The following ENTREP2 variants were observed in gnomAD, a reference collection of about 807,000 sequenced individuals.
ENTREP2 encodes the protein endosomal transmembrane epsin interactor 2.
the ENTREP2 span, among the ~76,000 whole-genome samples, chr15:29,615,149 A>AT: frequency 0.014 from 1,996 of 146,516 alleles, 48 homozygotes; most frequent in African/African-American, 0.048. Flanking sequence ...TCTCTCACAA[A>AT]TTTTTTTTTC....
At chr15:29,172,831 C>T in the ENTREP2 span, among the ~76,000 whole-genome samples, 1 of 152,150 alleles carries the variant, frequency 6.6e-6, no homozygotes, top group Non-Finnish European at 1.5e-5. Context: ...GAACCTCCCC[C>T]TCTCACCTGG....
chr15:29,451,119 T>G, the ENTREP2 span, among the ~76,000 whole-genome samples: 1 of 151,642 alleles, frequency 6.6e-6, no homozygotes, highest in Non-Finnish European at 1.5e-5. Context: ...AAAAAAGAAG[T>G]GTTAACAGCT....
At chr15:29,545,012 T>C in the ENTREP2 span, among the ~76,000 whole-genome samples, 1 of 152,320 alleles carries the variant, frequency 6.6e-6, no homozygotes, top group South Asian at 2.1e-4. Flanking sequence ...GATATACAAC[T>C]GAGACTGCAC....
chr15:29,622,854 G>A, the ENTREP2 span, among the ~76,000 whole-genome samples: 26 of 152,286 alleles, frequency 1.7e-4, no homozygotes, highest in Admixed American at 5.2e-4. Flanking sequence ...GGAGATGAAC[G>A]AGTCCTTCCA....
chr15:29,335,692 G>A, the ENTREP2 span, among the ~76,000 whole-genome samples: 20 of 152,050 alleles, frequency 1.3e-4, no homozygotes. Context: ...CAGCCACCTT[G>A]GGGTCAGCCA....
the ENTREP2 span, among the ~76,000 whole-genome samples, chr15:29,344,237 C>T: frequency 4.6e-5 from 7 of 152,210 alleles, no homozygotes; most frequent in African/African-American, 1.4e-4. Flanking sequence ...AAACGCTTCA[C>T]GCTGCGTGCA....
the ENTREP2 span, among the ~76,000 whole-genome samples, chr15:29,662,509 G>A: frequency 6.6e-6 from 1 of 152,034 alleles, no homozygotes; most frequent in Non-Finnish European, 1.5e-5. Flanking sequence ...TATGGTCTTT[G>A]TGTCATTCTT....
At chr15:29,490,424 T>G in the ENTREP2 span, among the ~76,000 whole-genome samples, 2 of 152,208 alleles carry the variant, frequency 1.3e-5, no homozygotes, top group African/African-American at 4.8e-5. Context: ...GGCTGCTGGC[T>G]CCGGCAGCCT....
chr15:29,330,615 G>A, the ENTREP2 span, among the ~76,000 whole-genome samples: 9 of 152,156 alleles, frequency 5.9e-5, no homozygotes, highest in Non-Finnish European at 1.0e-4. Context: ...GAAAGTCTAT[G>A]AAAAAGCCAC....
the ENTREP2 span, among the ~76,000 whole-genome samples, chr15:29,138,677 GTGTGTA>G: frequency 1.4e-5 from 2 of 142,332 alleles, no homozygotes; most frequent in Admixed American, 7.1e-5. Context: ...GTGTGTCTCT[GTGTGTA>G]TGTGTATGTG....
chr15:29,467,731 A>T, the ENTREP2 span, among the ~76,000 whole-genome samples: 3 of 152,186 alleles, frequency 2.0e-5, no homozygotes, highest in Non-Finnish European at 4.4e-5. Context: ...TAGCCCAATT[A>T]AGACCATCTA....
At chr15:29,494,350 G>A in the ENTREP2 span, among the ~76,000 whole-genome samples, 10,289 of 152,070 alleles carry the variant, frequency 0.068, 469 homozygotes, top group South Asian at 0.12. Context: ...GCCAAAATAC[G>A]TTAAAATGTA....
At chr15:29,378,941 C>T in the ENTREP2 span, among the ~76,000 whole-genome samples, 9 of 152,128 alleles carry the variant, frequency 5.9e-5, no homozygotes, top group Non-Finnish European at 1.3e-4. Context: ...AAGCCAAAGC[C>T]GAGGCTATCT....
At chr15:29,128,070 C>T in the ENTREP2 span, among the ~76,000 whole-genome samples, 6 of 152,232 alleles carry the variant, frequency 3.9e-5, no homozygotes, top group South Asian at 2.1e-4. Context: ...CAGCAGGGGA[C>T]AGAGCGCCCT....
chr15:29,311,879 C>T, the ENTREP2 span, among the ~76,000 whole-genome samples: 1 of 152,106 alleles, frequency 6.6e-6, no homozygotes, highest in Non-Finnish European at 1.5e-5. Context: ...ACAGTTCATT[C>T]CAGAAATGCA....
At chr15:29,657,576 A>T in the ENTREP2 span, among the ~76,000 whole-genome samples, 15 of 145,354 alleles carry the variant, frequency 1.0e-4, no homozygotes, top group Non-Finnish European at 3.0e-5. Flanking sequence ...AATCCTCCCC[A>T]CGATTGGCTA....
the ENTREP2 span, among the ~76,000 whole-genome samples, chr15:29,212,418 T>C: frequency 6.6e-6 from 1 of 152,206 alleles, no homozygotes; most frequent in Non-Finnish European, 1.5e-5. Context: ...ACTTATCTTT[T>C]CAAAGAACCG....
chr15:29,528,008 C>T, the ENTREP2 span, among the ~76,000 whole-genome samples: 2 of 152,196 alleles, frequency 1.3e-5, no homozygotes, highest in Non-Finnish European at 2.9e-5. Context: ...CTGCAGACAC[C>T]GTGCATTCAT....
At chr15:29,447,991 G>A in the ENTREP2 span, among the ~76,000 whole-genome samples, 22 of 152,058 alleles carry the variant, frequency 1.4e-4, no homozygotes, top group Non-Finnish European at 2.9e-4. Flanking sequence ...ACTTGAACCC[G>A]GGACGTGGAG....
Sources: allele counts gnomAD v4.1 joint callset (sites outside exome capture counted in the v4.1 genomes callset), GRCh38; gene constraint gnomAD v4.1.1; transcripts MANE v1.5; gene names NCBI Gene and HGNC (gene_info 2026-07-23, HGNC 2026-07-21).